The following AVL9 variants were observed in gnomAD, a reference collection of about 807,000 sequenced individuals.
The protein encoded by AVL9 is late secretory pathway protein AVL9 homolog.
Under a neutral mutation model 79.2 loss-of-function variants are expected in AVL9, and 49 were observed. The ratio of observed to expected loss-of-function variants is 0.62; its 90% CI spans 0.49 to 0.79. AVL9 has a LOEUF of 0.79. Among genes scored for constraint, AVL9 ranks in the 30% least tolerant of loss-of-function variants. AVL9 has a pLI of 0.00. For missense variants in AVL9, 682 were observed against 776.8 expected (o/e 0.88, Z 1.45); for synonymous variants, 299 against 280.6 (o/e 1.07, Z -0.65).
chr7:32,542,493 T>C (rs1583547789), intron 1 of AVL9, among the ~76,000 whole-genome samples: 2 of 151,812 alleles, frequency 1.3e-5, no homozygotes, highest in African/African-American at 4.8e-5. Flanking sequence ...GAGACAGAGG[T>C]TGCAGTGAGC....
chr7:32,562,579 T>A (rs966070918), intron 10 of AVL9: 6 of 967,102 alleles, frequency 6.2e-6, no homozygotes, highest in Non-Finnish European at 7.4e-6. Context: ...TATCATTTCT[T>A]AATGTCAGTA....
chr7:32,579,588 TTA>T lies in AVL9; in HGVS notation c.1689-625_1689-624del, dbSNP rs1282923649. ...TATATATTATATTATATATTATATA[TTA>T]TATATTATATATTATATTATATATT... is the stretch of plus-strand genomic sequence containing the variant. On this transcript the variant is annotated intron_variant, in intron 13 of 15. Transcript: ENST00000318709. Among the ~76,000 whole-genome samples, 23 of 5,682 alleles carry T rather than the reference TTA, an allele frequency of 4.0e-3. 8 individuals carry two copies. The highest frequency in any genetic ancestry group is 0.011 in the Admixed American group (2 of 178). The allele number at this position is 5,682 out of a possible 152,430, so 3.7% of individuals were successfully genotyped here.
intron 1 of AVL9, among the ~76,000 whole-genome samples, chr7:32,504,387 C>T (rs185443591): frequency 6.6e-6 from 1 of 152,172 alleles, no homozygotes; most frequent in Admixed American, 6.5e-5. Flanking sequence ...ATCATTACAC[C>T]TTATGTTTTG....
chr7:32,559,167 G>C lies in AVL9; in HGVS notation c.918G>C (p.Gly306=). ...TCCAAGTGGAAGACAGCAGCAAAGG[G>C]CAGGAACCCAATGATACCAATCAAT... ...PLFQVEDSSK[G]QEPNDTNQYL... The change falls in exon 10 of 16, where the codon GGG becomes GGC. Residue 306 remains glycine (G), a synonymous_variant. Transcript: ENST00000318709. 6.2e-7 allele frequency: 1 copy of C among 1,614,120 alleles called. No homozygotes were observed. The highest frequency in any genetic ancestry group is 8.5e-7 in the Non-Finnish European group (1 of 1,180,022).
At chr7:32,548,144 CTTT>C (rs1296068032) in intron 3 of AVL9, among the ~76,000 whole-genome samples, 15 of 57,584 alleles carry the variant, frequency 2.6e-4, no homozygotes, top group African/African-American at 7.6e-4. Flanking sequence ...TTTGTCATCT[CTTT>C]TTTCTTTTTT....
Position 32,570,118 on chromosome 7 carries a change from T to C in AVL9, c.1314T>C (p.Phe438=). 1 of 1,614,206 alleles carries C rather than the reference T, an allele frequency of 6.2e-7. No homozygotes were observed. Among genetic ancestry groups the C allele is most frequent in the South Asian group, 1.1e-5 (1 of 91,090 alleles). The change falls in exon 11 of 16, where the codon TTT becomes TTC. Residue 438 remains phenylalanine (F), a synonymous_variant. Transcript: ENST00000318709. ...GFVAGATNIL[F]RQQKHLSDAI... is the part of the protein sequence containing the mutation. ...TTGCTGGAGCTACTAACATCCTTTT[T>C]CGACAACAGAAACACCTCAGTGATG...
chr7:32,580,713 T>G (rs962814525), intron 14 of AVL9, 89 bp from the exon 15 acceptor site: 1 of 721,272 alleles, frequency 1.4e-6, no homozygotes, highest in South Asian at 1.8e-5. Context: ...AGAGTGACTA[T>G]TGTGTGTGTG....
At chr7:32,506,152 T>C (rs55943269) in intron 1 of AVL9, among the ~76,000 whole-genome samples, 1 of 152,136 alleles carries the variant, frequency 6.6e-6, no homozygotes, top group South Asian at 2.1e-4. Context: ...AACAAAAAAA[T>C]TTTTTTAATT....
At chr7:32,574,416 A>G (rs1411125776) in intron 12 of AVL9, among the ~76,000 whole-genome samples, 1 of 152,204 alleles carries the variant, frequency 6.6e-6, no homozygotes, top group African/African-American at 2.4e-5. Flanking sequence ...TGAGACACCA[A>G]AATTAAATCC....
At chr7:32,579,484 TAA>T (rs1258090268) in intron 13 of AVL9, among the ~76,000 whole-genome samples, 68 of 5,662 alleles carry the variant, frequency 0.012, 16 homozygotes, top group South Asian at 0.04. Flanking sequence ...ATATTATATA[TAA>T]TATATTACAT....
chr7:32,509,461 G>A (rs1177563348), intron 1 of AVL9, among the ~76,000 whole-genome samples: 1 of 152,082 alleles, frequency 6.6e-6, no homozygotes, highest in African/African-American at 2.4e-5. Context: ...ACAGATTAAC[G>A]CTTTTTACTC....
chr7:32,564,820 G>A lies in AVL9; in HGVS notation c.1216-5200G>A, dbSNP rs187048616. On this transcript the variant is annotated intron_variant, in intron 10 of 15. Transcript: ENST00000318709. ...GCAGCTGTGGGGTAGGCTGCCTATA[G>A]GGTGATGGGAAGGCAACTGGGACAC... Among the ~76,000 whole-genome samples, 286 of 152,270 alleles carry A rather than the reference G, an allele frequency of 1.9e-3. 1 individual carries two copies. Among genetic ancestry groups the A allele is most frequent in the Middle Eastern group, 6.8e-3 (2 of 294 alleles).
intron 15 of AVL9, chr7:32,581,515 A>G (rs773960410): frequency 6.6e-6 from 1 of 152,274 alleles, no homozygotes; most frequent in Non-Finnish European, 1.5e-5. Flanking sequence ...GCAAAAAGAA[A>G]ATATGAATAG....
At chr7:32,565,150 G>A (rs1373549728) in intron 10 of AVL9, among the ~76,000 whole-genome samples, 1 of 152,154 alleles carries the variant, frequency 6.6e-6, no homozygotes, top group Non-Finnish European at 1.5e-5. Flanking sequence ...TTGGAGCTCG[G>A]AGTCCCACCT....
chr7:32,572,056 G>A (rs1294010736), intron 11 of AVL9, among the ~76,000 whole-genome samples: 1 of 151,828 alleles, frequency 6.6e-6, no homozygotes, highest in African/African-American at 2.4e-5. Flanking sequence ...CAGCTACGCG[G>A]GAGGCTGAGG....
rs75357249 is a variant in AVL9, at chr7:32,497,619, T to G, written c.93+1817T>G. On this transcript the variant is annotated intron_variant, in intron 1 of 15. Transcript: ENST00000318709. ...GTACTTAGACTGCTCTTCCAAGTATTCAAAATTGCCGTGGGTCATGTTGAC... is the reference window on the plus strand; with the variant it reads ...GTACTTAGACTGCTCTTCCAAGTATGCAAAATTGCCGTGGGTCATGTTGAC... 8.6e-4 allele frequency among the ~76,000 whole-genome samples: 130 copies of G among 151,376 alleles called. 1 individual carries two copies. In the East Asian group the frequency reaches 0.024, roughly 28 times the overall value.
chr7:32,580,151 T>C, intron 13 of AVL9, 68 bp from the exon 14 acceptor site: 1 of 1,242,816 alleles, frequency 8.0e-7, no homozygotes, highest in Admixed American at 1.8e-5. Flanking sequence ...TAATATTTTC[T>C]TGTGATAACT....
intron 1 of AVL9, among the ~76,000 whole-genome samples, chr7:32,522,296 C>T (rs201115449): frequency 6.6e-6 from 1 of 152,228 alleles, no homozygotes; most frequent in African/African-American, 2.4e-5. Flanking sequence ...TGAAAGCATC[C>T]GGGAGGGAGG....
chr7:32,547,944 A>G (rs1418553465), intron 3 of AVL9, among the ~76,000 whole-genome samples: 1 of 152,172 alleles, frequency 6.6e-6, no homozygotes, highest in Non-Finnish European at 1.5e-5. Flanking sequence ...AGGTTAATCA[A>G]ATGAAGATTT....
Sources: allele counts gnomAD v4.1 joint callset (sites outside exome capture counted in the v4.1 genomes callset), GRCh38; gene constraint gnomAD v4.1.1; transcripts MANE v1.5; gene names NCBI Gene and HGNC (gene_info 2026-07-23, HGNC 2026-07-21).